The following PAIP2B variants were observed in gnomAD, a reference collection of about 807,000 sequenced individuals.
PAIP2B encodes the protein poly(A) binding protein interacting protein 2B.
Under a neutral mutation model 17.0 loss-of-function variants are expected in PAIP2B, and 13 were observed. The observed-to-expected ratio is 0.76, with a 90% CI of 0.50 to 1.22. The LOEUF is 1.22. PAIP2B is among the 50% of genes most tolerant of loss of function. PAIP2B has a pLI of 0.00. For synonymous variants in PAIP2B, 43 were observed against 48.7 expected, an observed-to-expected ratio of 0.88 and a Z score of 0.48; for missense variants, 117 against 144.5, an observed-to-expected ratio of 0.81 and a Z score of 0.98.
In PAIP2B at chr2:71,208,221, C is replaced by T. The variant is rs1263599639; in HGVS notation, c.-11-5621G>A. Reference sequence around the variant, plus strand: ...GGTGGATCACTTGAGGTCAGGAGTTCGAGACCAGCCTGGCCAACATGGTGA... The same window carrying T: ...GGTGGATCACTTGAGGTCAGGAGTTTGAGACCAGCCTGGCCAACATGGTGA... On this transcript the variant is annotated intron_variant, in intron 1 of 3. Transcript: ENST00000244221. Among the ~76,000 whole-genome samples the T allele has an allele frequency of 5.9e-5, 9 of 152,030 alleles. No homozygotes were observed. In the South Asian group the frequency reaches 6.2e-4, roughly 11 times the overall value.
chr2:71,202,100 C>G (rs1024457197), intron 2 of PAIP2B, among the ~76,000 whole-genome samples: 1 of 152,204 alleles, frequency 6.6e-6, no homozygotes, highest in Non-Finnish European at 1.5e-5. Flanking sequence ...GTAATGTGAA[C>G]TACACTTAGA....
chr2:71,190,672 A>G (rs1674666953), intron 2 of PAIP2B, among the ~76,000 whole-genome samples: 1 of 152,224 alleles, frequency 6.6e-6, no homozygotes, highest in South Asian at 2.1e-4. Context: ...TTTAGAGCCT[A>G]AAATTCTTTT....
At position 71,186,244 on chromosome 2, in the gene PAIP2B, G is replaced by T. The variant is rs1325695017; in HGVS notation, c.*2235C>A. 1.3e-5 allele frequency: 2 copies of T among 152,184 alleles called. No homozygotes were observed. The highest frequency in any genetic ancestry group is 2.4e-5 in the African/African-American group (1 of 41,438). 9.4% of individuals were successfully genotyped at this position (152,184 alleles called of 1,614,324 possible). A position where few individuals can be genotyped will look rare whatever the true frequency, so the allele number is the denominator to read the frequency against. On this transcript the variant is annotated 3_prime_UTR_variant, in exon 4 of 4. Coordinates refer to ENST00000244221, the MANE Select transcript of PAIP2B (RefSeq NM_020459.1). ...CTAGCCTGTGTTGTGAGTGACAATTGTGCCCCTACCTCCCAACATAAATAG... is the reference window on the plus strand; with the variant it reads ...CTAGCCTGTGTTGTGAGTGACAATTTTGCCCCTACCTCCCAACATAAATAG...
intron 2 of PAIP2B, among the ~76,000 whole-genome samples, chr2:71,196,956 C>CT (rs1454880228): frequency 2.6e-5 from 4 of 152,042 alleles, no homozygotes; most frequent in Non-Finnish European, 5.9e-5. Context: ...TTGGGTCTTG[C>CT]TTTTTTACCC....
chr2:71,211,620 T>A (rs923889050), intron 1 of PAIP2B, among the ~76,000 whole-genome samples: 32 of 117,626 alleles, frequency 2.7e-4, no homozygotes, highest in African/African-American at 5.3e-4. Context: ...AAAAAAAAAA[T>A]GGCCATGTGT....
intron 2 of PAIP2B, among the ~76,000 whole-genome samples, chr2:71,195,753 T>G (rs2103766856): frequency 6.6e-6 from 1 of 152,312 alleles, no homozygotes; most frequent in Middle Eastern, 3.4e-3. Context: ...TTCTCCTGCC[T>G]CAGCCTCCCA....
chr2:71,222,813 T>C (rs901190463), intron 1 of PAIP2B, among the ~76,000 whole-genome samples: 2 of 152,154 alleles, frequency 1.3e-5, no homozygotes, highest in African/African-American at 4.8e-5. Flanking sequence ...TTCTATAATA[T>C]CCTGCCACTT....
At chr2:71,217,044 C>T (rs977143234) in intron 1 of PAIP2B, among the ~76,000 whole-genome samples, 1 of 152,218 alleles carries the variant, frequency 6.6e-6, no homozygotes, top group South Asian at 2.1e-4. Context: ...ATGTAAGTCT[C>T]AGGCACACTA....
At chr2:71,192,154 A>G (rs891027795) in intron 2 of PAIP2B, among the ~76,000 whole-genome samples, 1 of 152,240 alleles carries the variant, frequency 6.6e-6, no homozygotes, top group Admixed American at 6.5e-5. Flanking sequence ...AGGAGAGCAG[A>G]AACTAGATTT....
chr2:71,192,909 CAT>C (rs2103758544), intron 2 of PAIP2B, among the ~76,000 whole-genome samples: 1 of 152,268 alleles, frequency 6.6e-6, no homozygotes, highest in Admixed American at 6.5e-5. Flanking sequence ...CATTTGTGTA[CAT>C]GTGTCTTTAT....
intron 1 of PAIP2B, among the ~76,000 whole-genome samples, chr2:71,215,719 TTTC>T (rs1675413591): frequency 6.6e-6 from 1 of 152,242 alleles, no homozygotes; most frequent in Non-Finnish European, 1.5e-5. Flanking sequence ...GCTTCCACAG[TTTC>T]TTTTCTCTTC....
intron 2 of PAIP2B, among the ~76,000 whole-genome samples, chr2:71,198,100 T>A (rs1319935149): frequency 6.6e-6 from 1 of 152,178 alleles, no homozygotes; most frequent in Non-Finnish European, 1.5e-5. Flanking sequence ...TTTCTATTCT[T>A]CTTGCTTTAT....
At chr2:71,195,358 T>C (rs1427536739) in intron 2 of PAIP2B, among the ~76,000 whole-genome samples, 1 of 152,186 alleles carries the variant, frequency 6.6e-6, no homozygotes, top group East Asian at 1.9e-4. Flanking sequence ...TCCTGGGCTT[T>C]TTTGGTTGGT....
rs557440994 is a variant in PAIP2B at position 71,212,736 on chromosome 2, G to A, written c.-11-10136C>T. On this transcript the variant is annotated intron_variant, in intron 1 of 3. Transcript: ENST00000244221. Reference sequence around the variant, plus strand: ...CCCAAAGTGCTGAGATAACAGGCATGAGCCACTATGCCCAGCCTATTTTTT... The same window carrying A: ...CCCAAAGTGCTGAGATAACAGGCATAAGCCACTATGCCCAGCCTATTTTTT... Among the ~76,000 whole-genome samples, 10 of 150,462 alleles carry A rather than the reference G, an allele frequency of 6.6e-5. No homozygotes were observed. The East Asian group carries it at 1.6e-3, about 24-fold the overall frequency.
At chr2:71,195,044 A>C (rs1021504321) in intron 2 of PAIP2B, among the ~76,000 whole-genome samples, 1 of 152,212 alleles carries the variant, frequency 6.6e-6, no homozygotes, top group Non-Finnish European at 1.5e-5. Context: ...TGATGTTTGC[A>C]TGTTGAACCA....
chr2:71,195,003 T>A (rs899051187), intron 2 of PAIP2B, among the ~76,000 whole-genome samples: 1 of 152,272 alleles, frequency 6.6e-6, no homozygotes, highest in African/African-American at 2.4e-5. Flanking sequence ...CTTTTATCTT[T>A]AATTCTGTTT....
chr2:71,199,285 A>AG (rs1185061648), intron 2 of PAIP2B, among the ~76,000 whole-genome samples: 4 of 152,156 alleles, frequency 2.6e-5, no homozygotes, highest in Non-Finnish European at 5.9e-5. Flanking sequence ...CCAAATTGGA[A>AG]GGGAAAAAAA....
chr2:71,218,709 T>C (rs527823970), intron 1 of PAIP2B, among the ~76,000 whole-genome samples: 1 of 152,046 alleles, frequency 6.6e-6, no homozygotes, highest in African/African-American at 2.4e-5. Context: ...ACCTCTGGAG[T>C]GGCAATGATT....
At chr2:71,205,809 G>C (rs1675111726) in intron 1 of PAIP2B, among the ~76,000 whole-genome samples, 1 of 152,352 alleles carries the variant, frequency 6.6e-6, no homozygotes, top group Admixed American at 6.5e-5. Flanking sequence ...AGCTTCCAGA[G>C]ATGGGAGGAA....
Sources: allele counts gnomAD v4.1 joint callset (sites outside exome capture counted in the v4.1 genomes callset), GRCh38; gene constraint gnomAD v4.1.1; transcripts MANE v1.5; gene names NCBI Gene and HGNC (gene_info 2026-07-23, HGNC 2026-07-21).